SGCD: variants seen among roughly 807,000 people sequenced by gnomAD.
The protein encoded by SGCD is delta-sarcoglycan.
Under a neutral mutation model 36.6 loss-of-function variants are expected in SGCD, and 18 were observed. The observed-to-expected ratio is 0.49, with a 90% CI of 0.34 to 0.73. The LOEUF is 0.73. SGCD is among the 30% of genes least tolerant of loss of function. The pLI is 0.01. For missense variants in SGCD, 387 were observed against 346.7 expected (o/e 1.12, Z -0.92); for synonymous variants, 133 against 130.6 (o/e 1.02, Z -0.12).
chr5:156,376,765 T>C (rs1770692641), intron 3 of SGCD, among the ~76,000 whole-genome samples: 1 of 152,166 alleles, frequency 6.6e-6, no homozygotes, highest in South Asian at 2.1e-4. Context: ...TTTATTGAAC[T>C]TGCCATAGTC....
intron 1 of SGCD, among the ~76,000 whole-genome samples, chr5:156,005,859 C>T (rs1309646481): frequency 6.6e-6 from 1 of 152,170 alleles, no homozygotes; most frequent in Admixed American, 6.5e-5. Flanking sequence ...GGTGGCAACC[C>T]TCTGATATTT....
At chr5:156,527,431 CCTT>C (rs1242481754) in intron 4 of SGCD, among the ~76,000 whole-genome samples, 2 of 152,114 alleles carry the variant, frequency 1.3e-5, no homozygotes, top group African/African-American at 4.8e-5. Context: ...TTGGATGTAA[CCTT>C]CTATCTGTAC....
the SGCD span, among the ~76,000 whole-genome samples, chr5:155,799,739 T>C: frequency 1.3e-4 from 20 of 151,790 alleles, no homozygotes; most frequent in South Asian, 4.2e-4. Context: ...TTTTTTTTTT[T>C]CTGCCTTCCA....
intron 2 of SGCD, among the ~76,000 whole-genome samples, chr5:156,333,969 A>G (rs2127706570): frequency 6.6e-6 from 1 of 151,094 alleles, no homozygotes; most frequent in African/African-American, 2.4e-5. Context: ...GTTTTTTTTT[A>G]CTGCCTTACT....
chr5:156,286,064 C>T (rs1044799618), intron 3 of SGCD, among the ~76,000 whole-genome samples: 2 of 152,130 alleles, frequency 1.3e-5, no homozygotes, highest in Admixed American at 6.6e-5. Context: ...CCAAAAGACA[C>T]ATCAAAAAAT....
rs563957263 is a variant in SGCD at position 155,931,197 on chromosome 5, C to T, written c.-282+60773C>T. On this transcript the variant is annotated intron_variant, in intron 1 of 9. Coordinates refer to the SGCD transcript ENST00000517913. ...AGCTCTTCTCATTATTTTTAGCTTT[C>T]TTAAAGCTTCTTAAGAGTAAGCTTG... Among the ~76,000 whole-genome samples the T allele has an allele frequency of 3.9e-5, 6 of 152,214 alleles. No homozygotes were observed. The South Asian group carries it at 8.3e-4, about 21-fold the overall frequency.
chr5:155,746,512 A>C, the SGCD span, among the ~76,000 whole-genome samples: 1 of 152,194 alleles, frequency 6.6e-6, no homozygotes, highest in African/African-American at 2.4e-5. Flanking sequence ...AGGCTGCTCA[A>C]AAGAGAATTA....
chr5:156,708,955 T>C (rs553839792), intron 7 of SGCD, among the ~76,000 whole-genome samples: 1 of 152,262 alleles, frequency 6.6e-6, no homozygotes, highest in African/African-American at 2.4e-5. Flanking sequence ...CAGGGGTTAT[T>C]TTAGCAGGGC....
chr5:156,581,323 G>T (rs557102980), intron 4 of SGCD, among the ~76,000 whole-genome samples: 1 of 152,272 alleles, frequency 6.6e-6, no homozygotes, highest in East Asian at 1.9e-4. Flanking sequence ...CCTGTATGAG[G>T]TGTTAGTTGG....
At chr5:155,866,236 CCT>C (rs1580959682), upstream of SGCD, among the ~76,000 whole-genome samples, 1 of 151,982 alleles carries the variant, frequency 6.6e-6, no homozygotes, top group Admixed American at 6.6e-5. Context: ...CTTTTCTCTA[CCT>C]CTCTCTCTTT....
intron 1 of SGCD, among the ~76,000 whole-genome samples, chr5:156,073,800 A>C (rs1340616029): frequency 3.3e-5 from 5 of 152,238 alleles, no homozygotes; most frequent in African/African-American, 4.8e-5. Flanking sequence ...GCTTTTAGCC[A>C]CAGGGGTTTT....
At chr5:155,767,610 A>C in the SGCD span, among the ~76,000 whole-genome samples, 1 of 152,152 alleles carries the variant, frequency 6.6e-6, no homozygotes, top group Non-Finnish European at 1.5e-5. Flanking sequence ...GTTTGGCAGG[A>C]AGTACAGTGG....
At chr5:156,577,590 G>A (rs534475763) in intron 4 of SGCD, among the ~76,000 whole-genome samples, 17 of 151,930 alleles carry the variant, frequency 1.1e-4, no homozygotes, top group East Asian at 1.9e-4. Context: ...CTTTTACTTC[G>A]TTGAGCAGTG....
intron 7 of SGCD, among the ~76,000 whole-genome samples, chr5:156,731,393 C>T (rs564418790): frequency 5.3e-5 from 8 of 152,130 alleles, no homozygotes; most frequent in Non-Finnish European, 1.0e-4. Context: ...AGTCTTTAAT[C>T]CATCTTGAGT....
At chr5:156,688,173 A>G (rs1338787788) in intron 7 of SGCD, among the ~76,000 whole-genome samples, 1 of 152,086 alleles carries the variant, frequency 6.6e-6, no homozygotes, top group Non-Finnish European at 1.5e-5. Flanking sequence ...TAATAAGCCT[A>G]ATATCCTTTA....
chr5:156,684,580 A>G (rs1753839252), intron 7 of SGCD, among the ~76,000 whole-genome samples: 1 of 152,104 alleles, frequency 6.6e-6, no homozygotes, highest in South Asian at 2.1e-4. Context: ...CTCCTTTTGT[A>G]AGGCTTCTGT....
chr5:155,915,917 A>G (rs1473314775), intron 1 of SGCD, among the ~76,000 whole-genome samples: 1 of 152,192 alleles, frequency 6.6e-6, no homozygotes, highest in African/African-American at 2.4e-5. Context: ...GGTACGATGT[A>G]CCAAAATTGG....
chr5:155,967,626 G>A (rs1256018909), intron 1 of SGCD, among the ~76,000 whole-genome samples: 6 of 151,960 alleles, frequency 3.9e-5, no homozygotes, highest in African/African-American at 1.4e-4. Context: ...TCCTCTCTTA[G>A]CACAATGCTC....
intron 6 of SGCD, among the ~76,000 whole-genome samples, chr5:156,599,322 G>A (rs1761071181): frequency 6.6e-6 from 1 of 152,040 alleles, no homozygotes. Flanking sequence ...TAGGACCTGA[G>A]TGACCGTATT....
Sources: allele counts gnomAD v4.1 joint callset (sites outside exome capture counted in the v4.1 genomes callset), GRCh38; gene constraint gnomAD v4.1.1; transcripts MANE v1.5; gene names NCBI Gene and HGNC (gene_info 2026-07-23, HGNC 2026-07-21).